The following OSBPL10 variants were observed in gnomAD, a reference collection of about 807,000 sequenced individuals.
OSBPL10 encodes the protein oxysterol binding protein like 10.
OSBPL10 carries 49 observed loss-of-function variants against 81.7 expected under a neutral mutation model. That is an observed-to-expected ratio of 0.60 (90% CI 0.48 to 0.76). The LOEUF is 0.76. OSBPL10 is among the 30% of genes least tolerant of loss of function. The pLI is 0.00. For missense variants in OSBPL10, 923 were observed against 987.8 expected, an observed-to-expected ratio of 0.93 and a Z score of 0.88; for synonymous variants, 419 against 383.6, an observed-to-expected ratio of 1.09 and a Z score of -1.08.
At chr3:31,829,980 C>A in intron 4 of OSBPL10, 60 bp downstream of exon 4, 1 of 1,482,946 alleles carries the variant, frequency 6.7e-7, no homozygotes, top group Non-Finnish European at 9.1e-7. Context: ...GTCGGCAGAG[C>A]GACTGTCACA....
chr3:31,930,729 A>C (rs1372370730), intron 1 of OSBPL10, among the ~76,000 whole-genome samples: 1 of 152,106 alleles, frequency 6.6e-6, no homozygotes, highest in East Asian at 1.9e-4. Context: ...ATAAAAAGAT[A>C]GTAGGCTGGG....
At chr3:31,938,636 G>A (rs1162204250) in intron 1 of OSBPL10, among the ~76,000 whole-genome samples, 3 of 152,104 alleles carry the variant, frequency 2.0e-5, no homozygotes, top group Non-Finnish European at 2.9e-5. Flanking sequence ...AGCCTACCAC[G>A]TAGCTGGGAC....
intron 1 of OSBPL10, among the ~76,000 whole-genome samples, chr3:31,956,739 AG>A (rs1279836740): frequency 6.6e-6 from 1 of 151,636 alleles, no homozygotes; most frequent in Non-Finnish European, 1.5e-5. Context: ...AAAAAAAAAA[AG>A]GGGGCCTTTC....
At chr3:31,915,056 T>C (rs9847038) in intron 1 of OSBPL10, among the ~76,000 whole-genome samples, 5,684 of 152,256 alleles carry the variant, frequency 0.037, 312 homozygotes, top group African/African-American at 0.12. Context: ...ACTGTAACCT[T>C]GAACTCCTGG....
At chr3:31,758,318 G>T (rs932610131) in intron 4 of OSBPL10, among the ~76,000 whole-genome samples, 2 of 152,140 alleles carry the variant, frequency 1.3e-5, no homozygotes, top group African/African-American at 4.8e-5. Context: ...TAAGAACTGA[G>T]AAATAAAAAT....
intron 1 of OSBPL10, chr3:31,960,149 A>G (rs7643403): frequency 0.62 from 94,241 of 151,990 alleles, 30,971 homozygotes; most frequent in African/African-American, 0.84. Flanking sequence ...GTACCGAAAA[A>G]CTTCCCTGAT....
At chr3:31,724,797 G>A (rs548688348) in intron 6 of OSBPL10, among the ~76,000 whole-genome samples, 4 of 152,318 alleles carry the variant, frequency 2.6e-5, no homozygotes, top group East Asian at 1.9e-4. Context: ...TGATGATTAC[G>A]TTGTGAGTTG....
intron 1 of OSBPL10, among the ~76,000 whole-genome samples, chr3:31,969,223 G>A (rs2125486307): frequency 6.6e-6 from 1 of 152,302 alleles, no homozygotes; most frequent in African/African-American, 2.4e-5. Context: ...GGAGGCCTCT[G>A]CATAAATCAA....
intron 2 of OSBPL10, among the ~76,000 whole-genome samples, chr3:32,015,513 G>A (rs1699304449): frequency 6.6e-6 from 1 of 152,142 alleles, no homozygotes; most frequent in South Asian, 2.1e-4. Context: ...GAAAACCTGG[G>A]CAATACCATT....
chr3:31,701,164 G>T (rs973084677), intron 7 of OSBPL10, among the ~76,000 whole-genome samples: 3 of 152,084 alleles, frequency 2.0e-5, no homozygotes, highest in Admixed American at 6.6e-5. Flanking sequence ...CCTCCTCAAA[G>T]AATTCCTCAC....
intron 4 of OSBPL10, among the ~76,000 whole-genome samples, chr3:31,797,284 C>T (rs7628712): frequency 0.015 from 2,233 of 152,126 alleles, 63 homozygotes; most frequent in African/African-American, 0.052. Context: ...TGAGCCACTG[C>T]GCCTGGCCAC....
chr3:31,851,115 C>A (rs1484427304), intron 3 of OSBPL10, among the ~76,000 whole-genome samples: 1 of 152,156 alleles, frequency 6.6e-6, no homozygotes, highest in Non-Finnish European at 1.5e-5. Context: ...TTTCAAATGC[C>A]AAGGAACGCT....
intron 7 of OSBPL10, among the ~76,000 whole-genome samples, chr3:31,684,416 ACT>A (rs1700738986): frequency 6.6e-6 from 1 of 152,044 alleles, no homozygotes; most frequent in South Asian, 2.1e-4. Flanking sequence ...TTCTCCCCTA[ACT>A]CTCCATTATT....
chr3:32,043,149 G>A (rs537915801), intron 2 of OSBPL10, among the ~76,000 whole-genome samples: 3 of 152,144 alleles, frequency 2.0e-5, no homozygotes, highest in Non-Finnish European at 4.4e-5. Context: ...CAGAGCAGCT[G>A]TTTATAGACC....
chr3:31,779,435 C>G (rs1413209175), intron 4 of OSBPL10, among the ~76,000 whole-genome samples: 1 of 152,084 alleles, frequency 6.6e-6, no homozygotes, highest in African/African-American at 2.4e-5. Context: ...AGACAAAGGA[C>G]TTTAAAGCAA....
intron 7 of OSBPL10, among the ~76,000 whole-genome samples, chr3:31,699,997 A>AGAGGAAATTT (rs1695844822): frequency 6.6e-6 from 1 of 152,224 alleles, no homozygotes; most frequent in East Asian, 1.9e-4. Context: ...CAGTACGGAG[A>AGAGGAAATTT]GAGGAAATTT....
chr3:31,827,313 A>G (rs11719647), intron 4 of OSBPL10, among the ~76,000 whole-genome samples: 37,053 of 152,080 alleles, frequency 0.24, 4,566 homozygotes, highest in Middle Eastern at 0.26. Context: ...AAAGGAAAAA[A>G]AAAAGCATAC....
chr3:31,773,236 A>C lies in OSBPL10; in HGVS notation c.730-25116T>G, dbSNP rs1011899993. ...TTTTGGATGTACTACATTTTGATTC[A>C]TTAACATAGAACTCACAGCCAGCTG... is the stretch of plus-strand genomic sequence containing the variant. On this transcript the variant is annotated intron_variant, in intron 4 of 11. Coordinates refer to ENST00000396556, the MANE Select transcript of OSBPL10 (RefSeq NM_017784.5). Among the ~76,000 whole-genome samples the C allele has an allele frequency of 3.3e-5, 5 of 152,286 alleles. No individual in the cohort carries two copies. The South Asian group carries it at 1.0e-3, about 32-fold the overall frequency.
chr3:31,762,785 C>A (rs1474919854), intron 4 of OSBPL10, among the ~76,000 whole-genome samples: 1 of 151,730 alleles, frequency 6.6e-6, no homozygotes, highest in Non-Finnish European at 1.5e-5. Flanking sequence ...TACCATTATT[C>A]TCATTTTACA....
Sources: gnomAD v4.1 joint callset for allele counts (sites outside exome capture counted in the v4.1 genomes callset) on GRCh38, gnomAD v4.1.1 for gene constraint, MANE v1.5 for transcripts, NCBI Gene and HGNC (gene_info 2026-07-23, HGNC 2026-07-21) for gene names.